DOCK3: variants seen among roughly 807,000 people sequenced by gnomAD.
DOCK3 encodes dedicator of cytokinesis 3, also known as dedicator of cytokinesis protein 3.
Under a neutral mutation model 265.6 loss-of-function variants are expected in DOCK3, and 60 were observed. That is an observed-to-expected ratio of 0.23 (90% CI 0.18 to 0.28). The LOEUF (loss-of-function observed/expected upper bound fraction) is 0.28, where lower values mean the gene tolerates loss of function less well. Ranked by LOEUF, DOCK3 falls within the 10% of genes least tolerant of loss-of-function variation. The probability of loss-of-function intolerance (pLI) is 1.00; values close to 1 mark genes in which losing one functional copy is unlikely to be tolerated. For synonymous variants in DOCK3, 881 were observed against 938.0 expected, an observed-to-expected ratio of 0.94 and a Z score of 1.11; for missense variants, 1,981 against 2,594.3, an observed-to-expected ratio of 0.76 and a Z score of 5.14.
chr3:50,954,312 CTA>C (rs1202251890), intron 5 of DOCK3, among the ~76,000 whole-genome samples: 2 of 152,222 alleles, frequency 1.3e-5, no homozygotes, highest in East Asian at 3.9e-4. Context: ...GAATAATACT[CTA>C]TCTTATGTAC....
At chr3:50,933,216 A>G (rs1462900145) in intron 4 of DOCK3, among the ~76,000 whole-genome samples, 1 of 152,232 alleles carries the variant, frequency 6.6e-6, no homozygotes, top group Non-Finnish European at 1.5e-5. Flanking sequence ...GGACACAGCC[A>G]AACCATATCA....
At chr3:51,121,236 C>T (rs2084002917) in intron 9 of DOCK3, among the ~76,000 whole-genome samples, 1 of 152,152 alleles carries the variant, frequency 6.6e-6, no homozygotes. Flanking sequence ...CTTCCCTTAG[C>T]TAGGGAAGGG....
At chr3:51,164,870 C>A (rs750825516) in intron 12 of DOCK3, among the ~76,000 whole-genome samples, 6 of 151,122 alleles carry the variant, frequency 4.0e-5, no homozygotes, top group Non-Finnish European at 7.4e-5. Flanking sequence ...TTTGAGAATA[C>A]TGTCTTTGGG....
chr3:50,865,306 C>A (rs2047087928), intron 3 of DOCK3, among the ~76,000 whole-genome samples: 1 of 152,104 alleles, frequency 6.6e-6, no homozygotes, highest in Admixed American at 6.5e-5. Flanking sequence ...TCCCTATGAC[C>A]CTTCCCACCC....
chr3:50,777,053 C>T (rs1454287814), intron 1 of DOCK3, among the ~76,000 whole-genome samples: 1 of 152,124 alleles, frequency 6.6e-6, no homozygotes, highest in Non-Finnish European at 1.5e-5. Flanking sequence ...TCTCATGAGA[C>T]TTTTTCAATA....
At chr3:51,005,598 T>TC (rs777976402) in intron 5 of DOCK3, among the ~76,000 whole-genome samples, 7 of 152,172 alleles carry the variant, frequency 4.6e-5, no homozygotes, top group Non-Finnish European at 7.3e-5. Flanking sequence ...ATCTCAATGG[T>TC]TTAGGCAAAA....
At chr3:51,089,584 C>T (rs1489141435) in intron 8 of DOCK3, among the ~76,000 whole-genome samples, 1 of 152,042 alleles carries the variant, frequency 6.6e-6, no homozygotes, top group Non-Finnish European at 1.5e-5. Flanking sequence ...GCATTGGGGT[C>T]ATAATGGCAT....
chr3:50,793,029 G>A (rs945114429), intron 2 of DOCK3, among the ~76,000 whole-genome samples: 12 of 152,166 alleles, frequency 7.9e-5, no homozygotes, highest in African/African-American at 2.9e-4. Flanking sequence ...CTGTGAATTT[G>A]TCTGGTCCTT....
chr3:50,919,124 C>G (rs2050292622), intron 4 of DOCK3, among the ~76,000 whole-genome samples: 1 of 152,132 alleles, frequency 6.6e-6, no homozygotes, highest in Non-Finnish European at 1.5e-5. Context: ...GTCTATATCT[C>G]TGTTTGGTAC....
At chr3:50,935,318 C>T (rs1255640983) in intron 5 of DOCK3, among the ~76,000 whole-genome samples, 1 of 152,182 alleles carries the variant, frequency 6.6e-6, no homozygotes, top group Non-Finnish European at 1.5e-5. Context: ...ATACATACAT[C>T]CTCCCCCTCC....
intron 12 of DOCK3, among the ~76,000 whole-genome samples, chr3:51,186,447 T>C (rs2107786470): frequency 6.6e-6 from 1 of 152,284 alleles, no homozygotes; most frequent in Admixed American, 6.5e-5. Context: ...ATTCGCAGCC[T>C]AACAATGCAA....
At chr3:51,259,276 G>C (rs1453425362) in intron 22 of DOCK3, among the ~76,000 whole-genome samples, 1 of 152,194 alleles carries the variant, frequency 6.6e-6, no homozygotes, top group African/African-American at 2.4e-5. Context: ...GATCATGAAA[G>C]GTAGTTTGGG....
chr3:50,841,834 C>A, intron 3 of DOCK3, 119 bp downstream of exon 3: 1 of 242,922 alleles, frequency 4.1e-6, no homozygotes. Context: ...CACAATGATT[C>A]TTTCCTTTAC....
intron 1 of DOCK3, among the ~76,000 whole-genome samples, chr3:50,679,652 C>G (rs2034247421): frequency 6.6e-6 from 1 of 152,158 alleles, no homozygotes; most frequent in South Asian, 2.1e-4. Flanking sequence ...TTGAGTAAAT[C>G]TGTTGGTAAA....
At chr3:50,681,799 A>G (rs2034434932) in intron 1 of DOCK3, among the ~76,000 whole-genome samples, 1 of 152,228 alleles carries the variant, frequency 6.6e-6, no homozygotes, top group African/African-American at 2.4e-5. Context: ...GAACTCATTC[A>G]TGAGCTCTTG....
chr3:51,153,456 A>G (rs2085706810), intron 10 of DOCK3, among the ~76,000 whole-genome samples: 1 of 152,154 alleles, frequency 6.6e-6, no homozygotes, highest in Admixed American at 6.5e-5. Flanking sequence ...GACCCATTGC[A>G]CTTCCCAGGT....
chr3:51,256,338 T>C (rs915288566), intron 22 of DOCK3, among the ~76,000 whole-genome samples: 4 of 152,236 alleles, frequency 2.6e-5, no homozygotes, highest in Middle Eastern at 3.2e-3. Flanking sequence ...TGGCCTGATA[T>C]CTGCTCAGTG....
intron 5 of DOCK3, among the ~76,000 whole-genome samples, chr3:51,034,822 C>T (rs530066281): frequency 1.2e-4 from 18 of 151,930 alleles, no homozygotes; most frequent in Non-Finnish European, 1.9e-4. Flanking sequence ...CCCTATTTCA[C>T]TTTCATTTCT....
chr3:50,957,497 C>T (rs923669676), intron 5 of DOCK3, among the ~76,000 whole-genome samples: 4 of 152,180 alleles, frequency 2.6e-5, no homozygotes, highest in Admixed American at 2.6e-4. Flanking sequence ...TCTATCAAAA[C>T]CAAATGCCAG....
Sources: allele counts gnomAD v4.1 joint callset (sites outside exome capture counted in the v4.1 genomes callset), GRCh38; gene constraint gnomAD v4.1.1; transcripts MANE v1.5; gene names NCBI Gene and HGNC (gene_info 2026-07-23, HGNC 2026-07-21).